Variants in SIAH3 observed in about 807,000 individuals in gnomAD.
The protein encoded by SIAH3 is seven in absentia homolog 3.
A neutral mutation model predicts 12.6 loss-of-function variants in SIAH3; 9 were observed. The ratio of observed to expected loss-of-function variants is 0.72; its 90% CI spans 0.43 to 1.25. SIAH3 has a LOEUF of 1.25. Ranked by LOEUF, SIAH3 falls within the 50% of genes most tolerant of loss-of-function variation. The pLI, the probability that SIAH3 is intolerant of heterozygous loss-of-function variation, is 0.00. For synonymous variants in SIAH3, 154 were observed against 151.1 expected (o/e 1.02, Z -0.14); for missense variants, 390 against 365.4 (o/e 1.07, Z -0.55).
chr13:45,828,912 G>C (rs1950688663), intron 1 of SIAH3, among the ~76,000 whole-genome samples: 1 of 151,948 alleles, frequency 6.6e-6, no homozygotes, highest in African/African-American at 2.4e-5. Flanking sequence ...AGTTAGAAGG[G>C]AGGAGAGTTT....
chr13:45,824,564 C>T (rs906978425), intron 1 of SIAH3, among the ~76,000 whole-genome samples: 1 of 152,126 alleles, frequency 6.6e-6, no homozygotes, highest in Admixed American at 6.6e-5. Context: ...AGGTTTCAGC[C>T]CTTCCCCTTG....
chr13:45,815,488 C>T (rs1327134540), intron 1 of SIAH3, among the ~76,000 whole-genome samples: 1 of 152,170 alleles, frequency 6.6e-6, no homozygotes, highest in East Asian at 1.9e-4. Context: ...TTACCAGGAT[C>T]GCATGAGCCA....
intron 1 of SIAH3, among the ~76,000 whole-genome samples, chr13:45,797,946 T>G (rs1051244624): frequency 6.6e-6 from 1 of 152,194 alleles, no homozygotes; most frequent in African/African-American, 2.4e-5. Context: ...GCTGCCCTAT[T>G]CCAGGGAGGG....
At chr13:45,814,787 G>A (rs189562282) in intron 1 of SIAH3, among the ~76,000 whole-genome samples, 4 of 151,198 alleles carry the variant, frequency 2.6e-5, no homozygotes, top group Admixed American at 6.6e-5. Flanking sequence ...GTGCAGTGGT[G>A]CGATCTCGCA....
chr13:45,817,807 G>C (rs1279447873), intron 1 of SIAH3, among the ~76,000 whole-genome samples: 1 of 152,192 alleles, frequency 6.6e-6, no homozygotes, highest in Non-Finnish European at 1.5e-5. Flanking sequence ...CCAAGAGGCA[G>C]GCAACATTGC....
chr13:45,795,393 T>C (rs141513522), intron 1 of SIAH3, among the ~76,000 whole-genome samples: 178 of 152,310 alleles, frequency 1.2e-3, no homozygotes, highest in Middle Eastern at 3.4e-3. Context: ...TGCTAATCTG[T>C]GACACCAGGT....
chr13:45,842,592 T>C (rs1950743961), intron 1 of SIAH3, among the ~76,000 whole-genome samples: 1 of 152,124 alleles, frequency 6.6e-6, no homozygotes, highest in Admixed American at 6.5e-5. Context: ...CAAGAATCCT[T>C]CTGCCTCAGC....
intron 1 of SIAH3, among the ~76,000 whole-genome samples, chr13:45,845,464 C>T (rs1426501687): frequency 6.6e-6 from 1 of 152,160 alleles, no homozygotes; most frequent in Non-Finnish European, 1.5e-5. Flanking sequence ...AGTTATAAAG[C>T]TGGGTGCACA....
At chr13:45,821,138 G>A (rs925978829) in intron 1 of SIAH3, among the ~76,000 whole-genome samples, 2 of 152,200 alleles carry the variant, frequency 1.3e-5, no homozygotes, top group African/African-American at 2.4e-5. Context: ...GGTCATTAAG[G>A]TGGGCCCTAA....
At chr13:45,847,609 C>T (rs1950764669) in intron 1 of SIAH3, among the ~76,000 whole-genome samples, 1 of 113,834 alleles carries the variant, frequency 8.8e-6, no homozygotes, top group Non-Finnish European at 2.0e-5. Context: ...ATGCCCCTCC[C>T]ACTCCATGTG....
chr13:45,784,200 CAAACA>C, intron 1 of SIAH3, 143 bp from the exon 2 acceptor site: 1 of 813,520 alleles, frequency 1.2e-6, no homozygotes, highest in Non-Finnish European at 1.9e-6. Flanking sequence ...AACAAACAAA[CAAACA>C]AACAAACAAA....
rs376177392 is a variant in SIAH3, at chr13:45,800,135, T to A, written c.136-16078A>T. ...ATAGAAAACTCTCAGAATAGCACCATCCTGATAGTACCACTGTTAACATTT... is the reference window on the plus strand; with the variant it reads ...ATAGAAAACTCTCAGAATAGCACCAACCTGATAGTACCACTGTTAACATTT... On this transcript the variant is annotated intron_variant, in intron 1 of 1. Transcript: ENST00000400405. Among the ~76,000 whole-genome samples, 5 of 152,364 alleles carry A rather than the reference T, an allele frequency of 3.3e-5. No individual in the cohort carries two copies. The East Asian group carries it at 7.7e-4, about 23-fold the overall frequency.
chr13:45,843,656 C>T (rs1950748602), intron 1 of SIAH3, among the ~76,000 whole-genome samples: 2 of 152,136 alleles, frequency 1.3e-5, no homozygotes, highest in South Asian at 4.1e-4. Flanking sequence ...AGGACAAATC[C>T]GACTTTCACA....
At chr13:45,846,049 T>C (rs912342143) in intron 1 of SIAH3, among the ~76,000 whole-genome samples, 4 of 148,898 alleles carry the variant, frequency 2.7e-5, no homozygotes, top group African/African-American at 9.9e-5. Context: ...TGGGGCAGTG[T>C]AGGAATATAG....
At chr13:45,839,050 C>T (rs17067277) in intron 1 of SIAH3, among the ~76,000 whole-genome samples, 1,731 of 152,120 alleles carry the variant, frequency 0.011, 31 homozygotes, top group African/African-American at 0.039. Flanking sequence ...ATTAAAATTT[C>T]GTTCCTCTTT....
At chr13:45,786,525 A>T (rs1950528454) in intron 1 of SIAH3, among the ~76,000 whole-genome samples, 1 of 152,166 alleles carries the variant, frequency 6.6e-6, no homozygotes. Context: ...AAAGACTCTA[A>T]TCTGTTTCAC....
At chr13:45,794,531 G>A (rs749304071) in intron 1 of SIAH3, among the ~76,000 whole-genome samples, 5 of 152,052 alleles carry the variant, frequency 3.3e-5, no homozygotes, top group East Asian at 3.9e-4. Context: ...GGAGGGACCC[G>A]GTGGGAGGTA....
intron 1 of SIAH3, among the ~76,000 whole-genome samples, chr13:45,826,393 A>ATGGATGGGTGAGTGGCTGGG (rs1566094853): frequency 0.064 from 2,082 of 32,478 alleles, 899 homozygotes; most frequent in African/African-American, 0.26. Context: ...GGATGGATGG[A>ATGGATGGGTGAGTGGCTGGG]TGGATGGATG....
rs890989393 is a variant in SIAH3 at position 45,806,104 on chromosome 13, A to G, written c.136-22047T>C. Among the ~76,000 whole-genome samples the G allele has an allele frequency of 6.6e-5, 10 of 152,188 alleles. No individual in the cohort carries two copies. In the South Asian group the frequency reaches 1.4e-3, roughly 22 times the overall value. On this transcript the variant is annotated intron_variant, in intron 1 of 1. Coordinates refer to ENST00000400405, the MANE Select transcript of SIAH3 (RefSeq NM_198849.3). ...AGGTTGTGAAGAAAAGGGAACATTT[A>G]TATACTGTTGGTGGAAATGTAAATT...
Sources: allele counts gnomAD v4.1 joint callset (sites outside exome capture counted in the v4.1 genomes callset), GRCh38; gene constraint gnomAD v4.1.1; transcripts MANE v1.5; gene names NCBI Gene and HGNC (gene_info 2026-07-23, HGNC 2026-07-21).